Variants in HHATL observed in about 807,000 individuals in gnomAD.
HHATL encodes the protein hedgehog acyltransferase like, also known as protein-cysteine N-palmitoyltransferase HHAT-like protein.
In HHATL, 49 loss-of-function variants were observed where a neutral mutation model predicts 59.7. The observed-to-expected ratio is 0.82, with a 90% confidence interval of 0.65 to 1.04. The LOEUF (loss-of-function observed/expected upper bound fraction) is 1.04. HHATL is among the 50% of genes least tolerant of loss of function. The pLI, the probability that HHATL is intolerant of heterozygous loss-of-function variation, is 0.00. For missense variants in HHATL, 605 were observed against 650.8 expected (o/e 0.93, Z 0.77); for synonymous variants, 238 against 257.3 (o/e 0.93, Z 0.72).
chr3:42,698,145 A>G lies in HHATL; in HGVS notation c.690T>C (p.Ala230=). The G allele has an allele frequency of 6.2e-7, 1 of 1,614,076 alleles. No homozygotes were observed. The highest frequency in any genetic ancestry group is 1.1e-5 in the South Asian group (1 of 91,086). The change falls in exon 6 of 12, where the codon GCT becomes GCC. Residue 230 remains alanine (A), a synonymous_variant. Coordinates refer to ENST00000441594, the MANE Select transcript of HHATL (RefSeq NM_020707.4). The stretch of plus-strand genomic sequence containing the variant: ...AGCCCACAGGGTGTCCCCTCACCTG[A>G]GCATGGAAGCGATCAAAGGTCATGA... The part of the protein sequence containing the change: ...GPIMTFDRFH[A]QVSQVEPVRR...
rs1697784646 is a variant in HHATL at position 42,698,881 on chromosome 3, C to G, written c.310G>C (p.Val104Leu). The G allele has an allele frequency of 1.9e-6, 3 of 1,609,698 alleles. No individual in the cohort carries two copies. Among genetic ancestry groups the G allele is most frequent in the Non-Finnish European group, 2.5e-6 (3 of 1,177,936 alleles). The change falls in exon 5 of 12, where the codon GTG becomes CTG. Residue 104 changes from valine (V) to leucine (L), a missense_variant. Val to Leu is a conservative substitution (Grantham distance 32). Coordinates refer to ENST00000441594, the MANE Select transcript of HHATL (RefSeq NM_020707.4). ...CCCATCACAGCCAAGGCCCCGTACA[C>G]AGCATACATCCAGGAGCGGAGCTGT... ...APKLRSWMYA[V>L]YGALAVMGTM...
At chr3:42,697,236 C>T in intron 7 of HHATL, 91 bp from the exon 8 acceptor site, 5 of 1,440,424 alleles carry the variant, frequency 3.5e-6, no homozygotes, top group Non-Finnish European at 3.7e-6. Context: ...TGGGGAGACA[C>T]CAGGCTCTGC....
In HHATL at chr3:42,701,386, G is replaced by A. The variant is rs902284901; in HGVS notation, c.-13-547C>T. The A allele has an allele frequency of 9.1e-5, 14 of 153,922 alleles. No individual in the cohort carries two copies. Among genetic ancestry groups the A allele is most frequent in the Non-Finnish European group, 1.4e-4 (10 of 69,276 alleles). 9.5% of individuals were successfully genotyped at this position (153,922 alleles called of 1,614,324 possible). A position where few individuals can be genotyped will look rare whatever the true frequency, so the allele number is the denominator to read the frequency against. Reference sequence around the variant, plus strand: ...CCCCTAGAGCCAAGCCTCCATCCTCGCATTAAGCCTCCAGCCTGTCACTGA... The same window carrying A: ...CCCCTAGAGCCAAGCCTCCATCCTCACATTAAGCCTCCAGCCTGTCACTGA... On this transcript the variant is annotated intron_variant, in intron 1 of 11. Transcript: ENST00000441594. The surrounding 1 kb of genome is among the most constrained non-coding windows in gnomAD (Gnocchi z 5.1).
Position 42,698,775 on chromosome 3 carries a change from C to T in HHATL, c.416G>A (p.Trp139Ter), listed in dbSNP as rs1207446967. Residue 139 changes from tryptophan to a stop codon, truncating the protein, a stop_gained, in exon 5 of 12, where the codon TGG becomes TAG. Coordinates refer to ENST00000441594, the MANE Select transcript of HHATL (RefSeq NM_020707.4). LOFTEE classifies it high-confidence loss of function. ...LYVASLLGQP[W>*]LCLGLGLASL... ...GGCCAAGCCAAGGCCAAGACAGAGCCAGGGCTGGCCCAAAAGCGAGGCCAC... is the reference window on the plus strand; with the variant it reads ...GGCCAAGCCAAGGCCAAGACAGAGCTAGGGCTGGCCCAAAAGCGAGGCCAC... The T allele has an allele frequency of 1.2e-6, 2 of 1,611,594 alleles. No homozygotes were observed. Among genetic ancestry groups the T allele is most frequent in the Non-Finnish European group, 1.7e-6 (2 of 1,179,230 alleles).
chr3:42,692,690 G>C lies in HHATL; in HGVS notation c.*61C>G. The C allele has an allele frequency of 6.2e-7, 1 of 1,612,310 alleles. No homozygotes were observed. Among genetic ancestry groups the C allele is most frequent in the Non-Finnish European group, 8.5e-7 (1 of 1,178,986 alleles). On this transcript the variant is annotated 3_prime_UTR_variant, in exon 12 of 12. Coordinates refer to ENST00000441594, the MANE Select transcript of HHATL (RefSeq NM_020707.4). ...TTGTAGAAAAGTCTTTTATTCTATCGGTCAGGCCCCATCTGGCCCAAGAAT... is the reference window on the plus strand; with the variant it reads ...TTGTAGAAAAGTCTTTTATTCTATCCGTCAGGCCCCATCTGGCCCAAGAAT...
In HHATL at chr3:42,701,997, G is replaced by A; in HGVS notation, c.-14+582C>T. On this transcript the variant is annotated intron_variant, in intron 1 of 11. Transcript: ENST00000441594. The surrounding 1 kb of genome is among the most constrained non-coding windows in gnomAD (Gnocchi z 5.1). ...GTACAGATGGAGGGGTCATGGGCCAGATAGGGGCAGGGACCTGTCAAGGTC... is the reference window on the plus strand; with the variant it reads ...GTACAGATGGAGGGGTCATGGGCCAAATAGGGGCAGGGACCTGTCAAGGTC... Among the ~76,000 whole-genome samples the A allele has an allele frequency of 6.6e-6, 1 of 152,238 alleles. No individual in the cohort carries two copies. The highest frequency in any genetic ancestry group is 6.5e-5 in the Admixed American group (1 of 15,288).
rs1341401312 is a variant in HHATL at position 42,693,757 on chromosome 3, C to A, written c.1108G>T (p.Val370Leu). Residue 370 changes from valine to leucine, a missense_variant, in exon 10 of 12, where the codon GTG becomes TTG. Transcript: ENST00000441594. ...SAVIPELAAT[V>L]ATFAITTLWL... ...AGTGTGGTGATGGCAAATGTGGCCA[C>A]TGTGGCTGCCAGCTCTGGGATCACA... The A allele has an allele frequency of 9.3e-6, 15 of 1,614,036 alleles. No homozygotes were observed. Among genetic ancestry groups the A allele is most frequent in the Non-Finnish European group, 1.2e-5 (14 of 1,180,020 alleles).
At chr3:42,700,041 T>C (rs1053983036) in intron 2 of HHATL, among the ~76,000 whole-genome samples, 2 of 151,572 alleles carry the variant, frequency 1.3e-5, no homozygotes, top group Non-Finnish European at 2.9e-5. Flanking sequence ...TGTGTGTGTA[T>C]ATGTCTGTGT....
chr3:42,698,964 G>A (rs1302384186), intron 4 of HHATL, 62 bp from the exon 5 acceptor site: 1 of 1,609,342 alleles, frequency 6.2e-7, no homozygotes, highest in Middle Eastern at 1.7e-4. Flanking sequence ...CCAGGAGGGG[G>A]TTCCCACAAC....
Position 42,699,148 on chromosome 3 carries a change from G to A in HHATL, c.175-3C>T. The A allele has an allele frequency of 6.2e-7, 1 of 1,609,106 alleles. No homozygotes were observed. Among genetic ancestry groups the A allele is most frequent in the Non-Finnish European group, 8.5e-7 (1 of 1,175,418 alleles). ...ACCCACTCGAAGTCAGCCACATCCT[G>A]GGGCAGTCCGGGGCAGAAGGAGGTG... On this transcript the variant is annotated splice_region_variant and splice_polypyrimidine_tract_variant and intron_variant, in intron 3 of 11. Transcript: ENST00000441594.
Position 42,698,265 on chromosome 3 carries a change from A to C in HHATL, c.570T>G (p.Phe190Leu), listed in dbSNP as rs1438029899. ...CAGGGTGGGCACAGCTCTCCAGTGCAAAGCTGGTGCAACGCAGCACTGTGA... is the reference window on the plus strand; with the variant it reads ...CAGGGTGGGCACAGCTCTCCAGTGCCAAGCTGGTGCAACGCAGCACTGTGA... ...SSFTVLRCTS[F>L]ALESCAHPDR... The change falls in exon 6 of 12, where the codon TTT (phenylalanine) becomes TTG (leucine). Residue 190 changes from phenylalanine to leucine, a missense_variant. By Grantham distance (22) the Phe-to-Leu change is conservative (BLOSUM62 0). Transcript: ENST00000441594. 6.2e-7 allele frequency: 1 copy of C among 1,614,154 alleles called. No individual in the cohort carries two copies. The highest frequency in any genetic ancestry group is 1.7e-5 in the Admixed American group (1 of 60,014).
chr3:42,696,768 G>A, intron 9 of HHATL, 74 bp downstream of exon 9: 1 of 1,509,748 alleles, frequency 6.6e-7, no homozygotes, highest in South Asian at 1.2e-5. Context: ...TTAAAATGTG[G>A]ACCCATCTTG....
chr3:42,692,927 G>T, intron 11 of HHATL, 52 bp from the exon 12 acceptor site: 2 of 1,592,814 alleles, frequency 1.3e-6, no homozygotes, highest in South Asian at 1.1e-5. Flanking sequence ...CATCCTCAGC[G>T]ACTTTTGTCT....
chr3:42,692,929 CTT>C, intron 11 of HHATL, 54 bp from the exon 12 acceptor site: 1 of 1,596,944 alleles, frequency 6.3e-7, no homozygotes, highest in South Asian at 1.1e-5. Flanking sequence ...TCCTCAGCGA[CTT>C]TTGTCTTCCC....
rs148287985 is a variant in HHATL, at chr3:42,698,875, C to T, written c.316G>A (p.Gly106Arg). 2.9e-5 allele frequency: 46 copies of T among 1,610,366 alleles called. 1 individual carries two copies. The African/African-American group carries it at 3.3e-4, about 12-fold the overall frequency. ...KLRSWMYAVY[G>R]ALAVMGTMGP... ...ATTGTGCCCATCACAGCCAAGGCCCCGTACACAGCATACATCCAGGAGCGG... is the reference window on the plus strand; with the variant it reads ...ATTGTGCCCATCACAGCCAAGGCCCTGTACACAGCATACATCCAGGAGCGG... Residue 106 changes from glycine to arginine, a missense_variant, in exon 5 of 12, where the codon GGG (glycine) becomes AGG (arginine). Coordinates refer to ENST00000441594, the MANE Select transcript of HHATL (RefSeq NM_020707.4).
At position 42,701,164 on chromosome 3, in the gene HHATL, A is replaced by C; in HGVS notation, c.-13-325T>G. The C allele has an allele frequency of 3.5e-6, 1 of 289,266 alleles. No individual in the cohort carries two copies. Among genetic ancestry groups the C allele is most frequent in the Non-Finnish European group, 6.6e-6 (1 of 151,232 alleles). The allele number at this position is 289,266 out of a possible 1,614,324, so 17.9% of individuals were successfully genotyped here. Reference sequence around the variant, plus strand: ...AGGCACCGGCCCCACCCTCTGCCAAAACCGCTCCTGCCAAGGCCCCCATGA... The same window carrying C: ...AGGCACCGGCCCCACCCTCTGCCAACACCGCTCCTGCCAAGGCCCCCATGA... On this transcript the variant is annotated intron_variant, in intron 1 of 11. Transcript: ENST00000441594. The surrounding 1 kb of genome is among the most constrained non-coding windows in gnomAD (Gnocchi z 5.1).
chr3:42,694,484 A>G (rs1324254592), intron 9 of HHATL, among the ~76,000 whole-genome samples: 1 of 152,224 alleles, frequency 6.6e-6, no homozygotes, highest in Non-Finnish European at 1.5e-5. Flanking sequence ...GCATCTTTTA[A>G]GAGTGTAGCT....
rs200446136 is a variant in HHATL, at chr3:42,698,244, G to A, written c.591C>T (p.His197=). Residue 197 remains histidine, a synonymous_variant, in exon 6 of 12, where the codon CAC becomes CAT. Transcript: ENST00000441594. ...CAGCTAAGGAGTAGTGGCGGTCAGG[G>A]TGGGCACAGCTCTCCAGTGCAAAGC... The part of the protein sequence containing the change: ...CTSFALESCA[H]PDRHYSLADL... 262 of 1,614,190 alleles carry A rather than the reference G, an allele frequency of 1.6e-4. 2 individuals are homozygous for A. In the South Asian group the frequency reaches 1.9e-3, roughly 12 times the overall value.
chr3:42,698,423 C>T, intron 5 of HHATL, 72 bp from the exon 6 acceptor site: 1 of 1,417,266 alleles, frequency 7.1e-7, no homozygotes, highest in South Asian at 1.3e-5. Context: ...TTCCCCACTC[C>T]CTAGCTTCCC....
Sources: allele counts gnomAD v4.1 joint callset (sites outside exome capture counted in the v4.1 genomes callset), GRCh38; gene constraint gnomAD v4.1.1; non-coding constraint Gnocchi (gnomAD v3.1); transcripts MANE v1.5; gene names NCBI Gene and HGNC (gene_info 2026-07-23, HGNC 2026-07-21).